Variants in PRDM10 observed in about 807,000 individuals in gnomAD.
PRDM10 encodes PR domain zinc finger protein 10.
Under a neutral mutation model 133.1 loss-of-function variants are expected in PRDM10, and 65 were observed. That is an observed-to-expected ratio of 0.49 (90% CI 0.40 to 0.60). The LOEUF is 0.60. Ranked by LOEUF, PRDM10 falls within the 20% of genes least tolerant of loss-of-function variation. The pLI, the probability that PRDM10 is intolerant of heterozygous loss-of-function variation, is 0.00. For synonymous variants in PRDM10, 582 were observed against 580.4 expected, an observed-to-expected ratio of 1.00 and a Z score of -0.04; for missense variants, 1,137 against 1,507.1, an observed-to-expected ratio of 0.75 and a Z score of 4.07.
intron 2 of PRDM10, among the ~76,000 whole-genome samples, 183 bp downstream of exon 2, chr11:129,960,713 C>T (rs1009318490): frequency 5.9e-5 from 9 of 152,148 alleles, no homozygotes; most frequent in East Asian, 1.9e-4. Flanking sequence ...TCCTAACTCA[C>T]GGTGAGCCAC....
Position 129,914,927 on chromosome 11 carries a change from C to T in PRDM10, c.2618G>A (p.Ser873Asn), listed in dbSNP as rs748149601. The T allele has an allele frequency of 1.7e-5, 27 of 1,614,036 alleles. 1 individual carries two copies. In the South Asian group the frequency reaches 2.9e-4, roughly 17 times the overall value. ...IHTPLTTAVI[S>N]ATPAVLTTDS... is the part of the protein sequence containing the mutation. ...TGTAGTCAAAACCGCTGGGGTGGCA[C>T]TGATCACAGCTGTCGTCAGTGGTGT... The change falls in exon 17 of 21, where the codon AGT (serine) becomes AAT (asparagine). Residue 873 changes from serine (S) to asparagine (N), a missense_variant. Coordinates refer to ENST00000360871, the MANE Select transcript of PRDM10 (RefSeq NM_199437.2).
intron 1 of PRDM10, among the ~76,000 whole-genome samples, chr11:129,963,904 C>T (rs927002090): frequency 2.6e-5 from 4 of 152,164 alleles, no homozygotes; most frequent in African/African-American, 7.2e-5. Context: ...GCACACAGCA[C>T]GCTCAGCTGT....
At chr11:129,988,693 A>G (rs750326165) in intron 1 of PRDM10, among the ~76,000 whole-genome samples, 5 of 151,598 alleles carry the variant, frequency 3.3e-5, no homozygotes, top group East Asian at 3.9e-4. Flanking sequence ...GCAGTGGTGC[A>G]ATCTCGGCTC....
At chr11:129,952,074 A>C (rs1951595323) in intron 4 of PRDM10, among the ~76,000 whole-genome samples, 1 of 152,226 alleles carries the variant, frequency 6.6e-6, no homozygotes, top group Non-Finnish European at 1.5e-5. Flanking sequence ...AGGAAACTAC[A>C]ATGAAGAAAG....
In PRDM10 at chr11:129,923,687, A is replaced by T. The variant is rs965345868; in HGVS notation, c.1879-284T>A. Among the ~76,000 whole-genome samples, 1 of 145,198 alleles carries T rather than the reference A, an allele frequency of 6.9e-6. No homozygotes were observed. The highest frequency in any genetic ancestry group is 1.5e-5 in the Non-Finnish European group (1 of 66,368). ...GAGAGAGAGAGAGAGAGAGAGAGAG[A>T]GAGAGAGTGCTTGCTTGGTCAAAGC... On this transcript the variant is annotated intron_variant, in intron 12 of 20. Coordinates refer to ENST00000360871, the MANE Select transcript of PRDM10 (RefSeq NM_199437.2). The surrounding 1 kb of genome is among the most constrained non-coding windows in gnomAD (Gnocchi z 4.4).
At chr11:129,930,834 T>C (rs555726655) in intron 11 of PRDM10, among the ~76,000 whole-genome samples, 182 bp downstream of exon 11, 6 of 152,276 alleles carry the variant, frequency 3.9e-5, no homozygotes, top group African/African-American at 1.4e-4. Flanking sequence ...CAGCCTGCCA[T>C]GGGACACAGA....
intron 8 of PRDM10, among the ~76,000 whole-genome samples, chr11:129,936,290 A>G (rs1178042115): frequency 2.0e-5 from 3 of 151,804 alleles, no homozygotes; most frequent in East Asian, 1.9e-4. Flanking sequence ...ACATTTTTAT[A>G]TATTAGCTAT....
intron 8 of PRDM10, among the ~76,000 whole-genome samples, chr11:129,936,951 T>C (rs951038100): frequency 6.6e-6 from 1 of 152,168 alleles, no homozygotes; most frequent in African/African-American, 2.4e-5. Flanking sequence ...AATAAATAAA[T>C]TGTATACACA....
At chr11:129,985,364 T>C (rs921180697) in intron 1 of PRDM10, among the ~76,000 whole-genome samples, 15 of 151,914 alleles carry the variant, frequency 9.9e-5, no homozygotes, top group African/African-American at 3.4e-4. Flanking sequence ...AACAACACTA[T>C]GGGGGGAAAA....
At position 129,976,436 on chromosome 11, in the gene PRDM10, G is replaced by A. The variant is rs139893279; in HGVS notation, c.-118-15354C>T. Among the ~76,000 whole-genome samples, 380 of 152,290 alleles carry A rather than the reference G, an allele frequency of 2.5e-3. 2 individuals are homozygous for A. Among genetic ancestry groups the A allele is most frequent in the African/African-American group, 8.6e-3 (359 of 41,536 alleles). ...CCAACATGCACTGAGTGCTTACCGT[G>A]TGCTAGGCCCTGGTCTAAGCAGCTA... On this transcript the variant is annotated intron_variant, in intron 1 of 20. Coordinates refer to ENST00000360871, the MANE Select transcript of PRDM10 (RefSeq NM_199437.2).
At position 129,945,399 on chromosome 11, in the gene PRDM10, C is replaced by T. The variant is rs775941847; in HGVS notation, c.521-387G>A. On this transcript the variant is annotated intron_variant, in intron 5 of 20. Coordinates refer to ENST00000360871, the MANE Select transcript of PRDM10 (RefSeq NM_199437.2). The surrounding 1 kb of genome is among the most constrained non-coding windows in gnomAD (Gnocchi z 4.2). ...CAAAATAGGTGAATTTTATAGTATG[C>T]CCATTATCTCAATAAAACTATTCCG... is the stretch of plus-strand genomic sequence containing the variant. Among the ~76,000 whole-genome samples, 5 of 152,276 alleles carry T rather than the reference C, an allele frequency of 3.3e-5. No individual in the cohort carries two copies. Among genetic ancestry groups the T allele is most frequent in the Non-Finnish European group, 7.4e-5 (5 of 68,026 alleles).
chr11:129,900,824 A>G lies in PRDM10; in HGVS notation c.*1489T>C, dbSNP rs1481569027. ...TACTCAAACATTGGGGAACAACTAC[A>G]TGAACGCAGTCTCAGAAATAAAGTG... On this transcript the variant is annotated 3_prime_UTR_variant, in exon 21 of 21. Coordinates refer to ENST00000360871, the MANE Select transcript of PRDM10 (RefSeq NM_199437.2). 6.6e-6 allele frequency: 1 copy of G among 152,438 alleles called. No homozygotes were observed. The highest frequency in any genetic ancestry group is 2.4e-5 in the African/African-American group (1 of 41,546). The allele number at this position is 152,438 out of a possible 1,614,324, so 9.4% of individuals were successfully genotyped here.
chr11:129,962,708 C>T (rs926028143), intron 1 of PRDM10, among the ~76,000 whole-genome samples: 1 of 152,098 alleles, frequency 6.6e-6, no homozygotes, highest in African/African-American at 2.4e-5. Context: ...TTAAATTATA[C>T]CCTAATAAAG....
chr11:129,943,720 T>C (rs1475273113), intron 6 of PRDM10, among the ~76,000 whole-genome samples: 1 of 152,010 alleles, frequency 6.6e-6, no homozygotes, highest in Non-Finnish European at 1.5e-5. Flanking sequence ...ATTAGCCAGA[T>C]GCGGTGGCTC....
rs116717529 is a variant in PRDM10, at chr11:129,976,702, G to A, written c.-118-15620C>T. 4.5e-3 allele frequency among the ~76,000 whole-genome samples: 686 copies of A among 152,258 alleles called. 5 individuals are homozygous for A. Among genetic ancestry groups the A allele is most frequent in the African/African-American group, 0.015 (639 of 41,530 alleles). On this transcript the variant is annotated intron_variant, in intron 1 of 20. Coordinates refer to ENST00000360871, the MANE Select transcript of PRDM10 (RefSeq NM_199437.2). ...TCACTTGGAAGGAACGTAATAGAAG[G>A]AGAGAGTTTCCATTTAACTGATTGC...
Position 129,900,099 on chromosome 11 carries a change from G to A in PRDM10, c.*2214C>T, listed in dbSNP as rs1591552937. The A allele has an allele frequency of 1.3e-5, 2 of 152,678 alleles. No homozygotes were observed. Among genetic ancestry groups the A allele is most frequent in the African/African-American group, 4.8e-5 (2 of 41,558 alleles). The allele number at this position is 152,678 out of a possible 1,614,324, so 9.5% of individuals were successfully genotyped here. On this transcript the variant is annotated 3_prime_UTR_variant, in exon 21 of 21. Transcript: ENST00000360871. ...CACTGGACTGAATGAAGTCTACAGT[G>A]TCAATGTGTCTTGAGAGAGGCCACA... is the stretch of plus-strand genomic sequence containing the variant.
chr11:129,955,689 G>A, intron 3 of PRDM10, 118 bp from the exon 4 acceptor site: 1 of 784,164 alleles, frequency 1.3e-6, no homozygotes, highest in Non-Finnish European at 2.1e-6. Context: ...ATTTTAGCCA[G>A]TAATAAGCTT....
intron 1 of PRDM10, among the ~76,000 whole-genome samples, chr11:129,969,639 C>CAAA (rs140612028): frequency 1.9e-5 from 2 of 103,470 alleles, no homozygotes; most frequent in African/African-American, 3.0e-5. Context: ...ACTAGAAATA[C>CAAA]AAAAAAAAAA....
chr11:129,935,126 C>A lies in PRDM10; in HGVS notation c.1132G>T (p.Asp378Tyr). ...CTGCTAAACACATCTAGTTTCTCAT[C>A]ATGAGAATTGAGATGCTGTTGCAAC... Reference protein sequence around the residue: ...EQLQQHLNSHDEKLDVFSRTR... With the variant: ...EQLQQHLNSHYEKLDVFSRTR... Residue 378 changes from aspartate to tyrosine, a missense_variant, in exon 9 of 21, where the codon GAT becomes TAT. Physicochemically the swap from Asp to Tyr is radical, Grantham distance 160. Around this residue, in one of 6 missense-constraint regions of PRDM10, gnomAD observed 635 missense variants for 835.2 expected, o/e 0.76. Transcript: ENST00000360871. 6.2e-7 allele frequency: 1 copy of A among 1,613,834 alleles called. No individual in the cohort carries two copies. The highest frequency in any genetic ancestry group is 8.5e-7 in the Non-Finnish European group (1 of 1,179,730).
Sources: allele counts gnomAD v4.1 joint callset (sites outside exome capture counted in the v4.1 genomes callset), GRCh38; gene constraint gnomAD v4.1.1; regional missense constraint gnomAD v4.1.1; non-coding constraint Gnocchi (gnomAD v3.1); transcripts MANE v1.5; gene names NCBI Gene and HGNC (gene_info 2026-07-23, HGNC 2026-07-21).